The following ZNF365 variants were observed in gnomAD, a reference collection of about 807,000 sequenced individuals.
The protein encoded by ZNF365 is protein ZNF365.
In ZNF365, 22 loss-of-function variants were observed where a neutral mutation model predicts 35.0. The ratio of observed to expected loss-of-function variants is 0.63; its 90% confidence interval spans 0.45 to 0.90. The LOEUF (loss-of-function observed/expected upper bound fraction) is 0.90. Among genes scored for constraint, ZNF365 ranks in the 40% least tolerant of loss-of-function variants. The pLI is 0.00. For missense variants in ZNF365, 448 were observed against 500.3 expected, an observed-to-expected ratio of 0.90 and a Z score of 1.00; for synonymous variants, 188 against 196.2, an observed-to-expected ratio of 0.96 and a Z score of 0.35.
At chr10:62,382,326 A>T (rs1179491239) in intron 2 of ZNF365, among the ~76,000 whole-genome samples, 3 of 152,186 alleles carry the variant, frequency 2.0e-5, no homozygotes, top group African/African-American at 7.2e-5. Flanking sequence ...AGCGGGGTGG[A>T]GAAGGGTCTG....
chr10:62,455,990 T>C (rs1208069419), intron 3 of ZNF365, among the ~76,000 whole-genome samples: 1 of 152,184 alleles, frequency 6.6e-6, no homozygotes, highest in Admixed American at 6.5e-5. Context: ...TCATTGACTT[T>C]ACACAGTGAC....
At chr10:62,374,975 C>A (rs1025593034) in intron 1 of ZNF365, among the ~76,000 whole-genome samples, 1 of 152,170 alleles carries the variant, frequency 6.6e-6, no homozygotes, top group Non-Finnish European at 1.5e-5. Context: ...AAGAGGTTCC[C>A]CTCTCTGGGG....
Position 62,399,765 on chromosome 10 carries a change from A to G in ZNF365, c.1200A>G (p.Pro400=), listed in dbSNP as rs1199652951. The part of the protein sequence containing the change: ...NIRPKMAKKK[P]TAIVNII Reference sequence around the variant, plus strand: ...GGCCCAAAATGGCTAAAAAAAAGCCAACAGCCATTGTGAACATCATCTAAA... The same window carrying G: ...GGCCCAAAATGGCTAAAAAAAAGCCGACAGCCATTGTGAACATCATCTAAA... The change falls in exon 5 of 5, where the codon CCA becomes CCG. Residue 400 remains proline (P), a synonymous_variant. Transcript: ENST00000395254. 1 of 1,613,464 alleles carries G rather than the reference A, an allele frequency of 6.2e-7. No homozygotes were observed. Among genetic ancestry groups the G allele is most frequent in the Non-Finnish European group, 8.5e-7 (1 of 1,179,914 alleles).
intron 3 of ZNF365, among the ~76,000 whole-genome samples, chr10:62,454,474 A>G (rs1348194498): frequency 6.6e-6 from 1 of 152,252 alleles, no homozygotes; most frequent in Non-Finnish European, 1.5e-5. Flanking sequence ...ACTAAACTAC[A>G]TAATAAACAT....
chr10:62,470,077 C>T (rs1006114515), intron 4 of ZNF365, among the ~76,000 whole-genome samples: 4 of 152,040 alleles, frequency 2.6e-5, no homozygotes, highest in African/African-American at 9.7e-5. Flanking sequence ...GATGAGCATC[C>T]TTTTAGATAA....
intron 3 of ZNF365, among the ~76,000 whole-genome samples, chr10:62,410,316 G>A (rs1839966657): frequency 6.6e-6 from 1 of 152,116 alleles, no homozygotes; most frequent in Non-Finnish European, 1.5e-5. Flanking sequence ...ACAATGAAAA[G>A]ACTTTGAGGA....
At chr10:62,451,279 A>G (rs1008046746) in intron 3 of ZNF365, among the ~76,000 whole-genome samples, 3 of 151,806 alleles carry the variant, frequency 2.0e-5, no homozygotes, top group South Asian at 4.2e-4. Flanking sequence ...TCCTTCTTCA[A>G]TTTTTGCCCT....
In ZNF365 at chr10:62,471,099, G is replaced by T. The variant is rs558019752; in HGVS notation, c.982-8777G>T. On this transcript the variant is annotated intron_variant, in intron 4 of 4. Coordinates refer to the ZNF365 transcript ENST00000395255. ...TAGGTAATCTAGGCCGGGTGCCGTG[G>T]CTCACTCCTGTAAGCCCAGCACTTT... Among the ~76,000 whole-genome samples the T allele has an allele frequency of 3.9e-5, 6 of 152,110 alleles. No individual in the cohort carries two copies. The East Asian group carries it at 9.7e-4, about 24-fold the overall frequency.
rs376736264 is a variant in ZNF365 at position 62,376,272 on chromosome 10, C to G, written c.79C>G (p.Arg27Gly). The G allele has an allele frequency of 6.2e-7, 1 of 1,614,094 alleles. No homozygotes were observed. Among genetic ancestry groups the G allele is most frequent in the Non-Finnish European group, 8.5e-7 (1 of 1,180,018 alleles). The change falls in exon 2 of 5, where the codon CGC (arginine) becomes GGC (glycine). Residue 27 changes from arginine to glycine, a missense_variant. Arg to Gly is a moderately radical substitution (Grantham distance 125). Transcript: ENST00000395254. The part of the protein sequence containing the change: ...FENVAVCLPL[R>G]CPRCGDHTRF... ...GAATGTTGCTGTGTGCCTGCCATTA[C>G]GCTGCCCGAGGTGTGGAGACCATAC...
At chr10:62,445,785 G>T (rs1320235806) in intron 3 of ZNF365, among the ~76,000 whole-genome samples, 4 of 152,202 alleles carry the variant, frequency 2.6e-5, no homozygotes, top group African/African-American at 9.7e-5. Context: ...CTGATTCAAA[G>T]TGGAAATCTG....
intron 3 of ZNF365, among the ~76,000 whole-genome samples, chr10:62,407,793 T>C (rs1461209214): frequency 6.6e-6 from 1 of 152,224 alleles, no homozygotes. Context: ...GGTATTTCCT[T>C]CTGAATCCAT....
Position 62,399,925 on chromosome 10 carries a change from C to T in ZNF365, c.*136C>T, listed in dbSNP as rs1839798985. The T allele has an allele frequency of 7.1e-7, 1 of 1,410,612 alleles. No homozygotes were observed. Among genetic ancestry groups the T allele is most frequent in the Non-Finnish European group, 9.3e-7 (1 of 1,079,914 alleles). The allele number at this position is 1,410,612 out of a possible 1,614,324, so 87.4% of individuals were successfully genotyped here. On this transcript the variant is annotated 3_prime_UTR_variant, in exon 5 of 5. Coordinates refer to ENST00000395254, the MANE Select transcript of ZNF365 (RefSeq NM_014951.3). ...CCAAGGGCATAACACAGGCAAGCAC[C>T]TCAATTAACCAGAGCTTAGCAAATG...
chr10:62,467,010 A>G lies in ZNF365; in HGVS notation c.981+7213A>G, dbSNP rs576186748. On this transcript the variant is annotated intron_variant, in intron 4 of 4. Coordinates refer to the ZNF365 transcript ENST00000395255. Reference sequence around the variant, plus strand: ...AGAGATGGAGTTTTGTCTGGCTGAGACCATTAATGAGAAAAACATTTCCTA... The same window carrying G: ...AGAGATGGAGTTTTGTCTGGCTGAGGCCATTAATGAGAAAAACATTTCCTA... Among the ~76,000 whole-genome samples, 95 of 152,250 alleles carry G rather than the reference A, an allele frequency of 6.2e-4. 2 individuals are homozygous for G. In the South Asian group the frequency reaches 0.019, roughly 31 times the overall value.
chr10:62,419,060 G>A (rs1840125446), intron 3 of ZNF365, among the ~76,000 whole-genome samples: 1 of 152,030 alleles, frequency 6.6e-6, no homozygotes, highest in Admixed American at 6.6e-5. Flanking sequence ...TTGACTTCAA[G>A]TTTGCTTTCC....
intron 3 of ZNF365, among the ~76,000 whole-genome samples, chr10:62,407,575 GTCTCC>G (rs3081228): frequency 0.084 from 12,744 of 151,418 alleles, 1,151 homozygotes; most frequent in African/African-American, 0.23. Context: ...GGATTTGAGG[GTCTCC>G]TCTCCTCTCC....
chr10:62,456,756 A>G (rs530616054), intron 3 of ZNF365, among the ~76,000 whole-genome samples: 52 of 152,354 alleles, frequency 3.4e-4, no homozygotes, highest in Non-Finnish European at 6.2e-4. Flanking sequence ...CTAGACTAGC[A>G]GGAAAGTAAG....
intron 3 of ZNF365, among the ~76,000 whole-genome samples, chr10:62,415,851 G>A (rs1840065474): frequency 6.6e-6 from 1 of 152,030 alleles, no homozygotes; most frequent in South Asian, 2.1e-4. Context: ...AATGCCCCTA[G>A]GAAAAAGTGA....
At chr10:62,469,670 A>G (rs1340657686) in intron 4 of ZNF365, among the ~76,000 whole-genome samples, 1 of 152,118 alleles carries the variant, frequency 6.6e-6, no homozygotes, top group African/African-American at 2.4e-5. Flanking sequence ...CTTGTACTTT[A>G]TTATATAATA....
At position 62,399,706 on chromosome 10, in the gene ZNF365, G is replaced by C; in HGVS notation, c.1141G>C (p.Glu381Gln). 6.2e-7 allele frequency: 1 copy of C among 1,614,128 alleles called. No homozygotes were observed. The highest frequency in any genetic ancestry group is 8.5e-7 in the Non-Finnish European group (1 of 1,180,034). ...RDLCRPPKKG[E>Q]LLGFGRKGNI... ...CCTCTGCAGACCTCCAAAGAAAGGG[G>C]AGCTCCTGGGGTTTGGCCGCAAAGG... The change falls in exon 5 of 5, where the codon GAG becomes CAG. Residue 381 changes from glutamate (E) to glutamine (Q), a missense_variant. Around this residue, in one of 3 missense-constraint regions of ZNF365, gnomAD observed 362 missense variants for 375.7 expected, o/e 0.96. Transcript: ENST00000395254.
Sources: gnomAD v4.1 joint callset for allele counts (sites outside exome capture counted in the v4.1 genomes callset) on GRCh38, gnomAD v4.1.1 for gene constraint, gnomAD v4.1.1 regional missense constraint, MANE v1.5 for transcripts, NCBI Gene and HGNC (gene_info 2026-07-23, HGNC 2026-07-21) for gene names.